BRCC3: variants seen among roughly 807,000 people sequenced by gnomAD.
BRCC3 encodes the protein lys-63-specific deubiquitinase BRCC36.
A neutral mutation model predicts 28.0 loss-of-function variants in BRCC3; 15 were observed. The ratio of observed to expected loss-of-function variants is 0.54; its 90% CI spans 0.36 to 0.82. The LOEUF is 0.82. BRCC3 is among the 40% of genes least tolerant of loss of function. BRCC3 has a pLI of 0.01. For synonymous variants in BRCC3, 66 were observed against 80.3 expected (o/e 0.82, Z 0.95); for missense variants, 109 against 225.9 (o/e 0.48, Z 3.32).
At chrX:155,073,494 G>A in intron 3 of BRCC3, 63 bp downstream of exon 3, 1 of 1,114,792 alleles carries the variant, frequency 9.0e-7, no homozygotes, top group Non-Finnish European at 1.2e-6. Context: ...CTGTAATCCA[G>A]TGATCTCAGC....
intron 7 of BRCC3, among the ~76,000 whole-genome samples, chrX:155,098,200 A>G (rs901535231): frequency 1.8e-5 from 2 of 112,143 alleles, no homozygotes; most frequent in East Asian, 5.5e-4. Flanking sequence ...ATTTGAGGTC[A>G]TAAATTTTCC....
chrX:155,089,365 A>ATGTGTGTG lies in BRCC3; in HGVS notation c.492+32_492+39dup. On this transcript the variant is annotated intron_variant, in intron 6 of 10. Coordinates refer to ENST00000330045, the MANE Select transcript of BRCC3 (RefSeq NM_001018055.3). ...AAGAACACAAAGGTATTGTGTGTGCATGTGTGTGTGTGTGTGTGTGTGTGT... is the reference window on the plus strand; with the variant it reads ...AAGAACACAAAGGTATTGTGTGTGCATGTGTGTGTGTGTGTGTGTGTGTGTGTGTGTGT... 1.1e-6 allele frequency: 1 copy of ATGTGTGTG among 927,416 alleles called. No individual in the cohort carries two copies. Among genetic ancestry groups the ATGTGTGTG allele is most frequent in the Admixed American group, 2.8e-5 (1 of 35,875 alleles). The allele number at this position is 927,416 out of a possible 1,213,427, so 76.4% of individuals were successfully genotyped here. A position where few individuals can be genotyped will look rare whatever the true frequency, so the allele number is the denominator to read the frequency against.
chrX:155,085,802 C>T (rs1387129245), intron 5 of BRCC3, among the ~76,000 whole-genome samples: 2 of 111,690 alleles, frequency 1.8e-5, no homozygotes, highest in Non-Finnish European at 3.8e-5. Flanking sequence ...AGCCTTGGGG[C>T]GGTTTACAGA....
chrX:155,074,311 A>G (rs2074011525), intron 3 of BRCC3, among the ~76,000 whole-genome samples: 1 of 112,148 alleles, frequency 8.9e-6, no homozygotes, highest in African/African-American at 3.2e-5. Flanking sequence ...CCTTCCTTTA[A>G]TAGCCAGACT....
At chrX:155,096,374 C>T (rs914116472) in intron 7 of BRCC3, among the ~76,000 whole-genome samples, 6 of 112,003 alleles carry the variant, frequency 5.4e-5, no homozygotes, top group African/African-American at 1.6e-4. Flanking sequence ...TACTAAATGC[C>T]GCTGAATTGT....
intron 5 of BRCC3, among the ~76,000 whole-genome samples, chrX:155,080,368 C>T (rs1253662920): frequency 9.1e-6 from 1 of 110,333 alleles, no homozygotes; most frequent in Non-Finnish European, 1.9e-5. Context: ...TGAATTCTCT[C>T]AGGGGAGAAG....
chrX:155,120,886 G>A (rs782134321), intron 10 of BRCC3, among the ~76,000 whole-genome samples: 1 of 112,100 alleles, frequency 8.9e-6, no homozygotes, highest in South Asian at 3.7e-4. Flanking sequence ...TCATGTAAAA[G>A]CACAAATGAT....
At chrX:155,110,172 T>G (rs782027186) in intron 7 of BRCC3, among the ~76,000 whole-genome samples, 8 of 111,837 alleles carry the variant, frequency 7.2e-5, no homozygotes, top group African/African-American at 2.6e-4. Context: ...AATTTTCTTT[T>G]CTTTAAACAC....
At chrX:155,092,332 C>T (rs1557295763) in intron 7 of BRCC3, among the ~76,000 whole-genome samples, 1 of 111,633 alleles carries the variant, frequency 9.0e-6, no homozygotes, top group African/African-American at 3.3e-5. Context: ...TATTTTTTGG[C>T]TCCCTGCTGT....
In BRCC3 at chrX:155,078,529, T is replaced by A; in HGVS notation, c.316-87T>A. 6.5e-6 allele frequency: 4 copies of A among 619,459 alleles called. No homozygotes were observed. In the South Asian group the frequency reaches 9.9e-5, roughly 15 times the overall value. The allele number at this position is 619,459 out of a possible 1,213,427, so 51.1% of individuals were successfully genotyped here. On this transcript the variant is annotated intron_variant, in intron 4 of 10. Coordinates refer to ENST00000330045, the MANE Select transcript of BRCC3 (RefSeq NM_001018055.3). The stretch of plus-strand genomic sequence containing the variant: ...TTGTTGCCATTAAATTGTAATAAGC[T>A]TATTTTAAACTTCAGGGTGCTTTCT...
At chrX:155,071,703 C>T (rs1042031853) in intron 1 of BRCC3, 53 bp downstream of exon 1, 2 of 1,166,876 alleles carry the variant, frequency 1.7e-6, no homozygotes. Context: ...CCCAGTGTGT[C>T]CCCGGGGTGG....
chrX:155,079,336 A>G (rs2074068742), intron 5 of BRCC3, among the ~76,000 whole-genome samples: 1 of 111,783 alleles, frequency 8.9e-6, no homozygotes, highest in Non-Finnish European at 1.9e-5. Flanking sequence ...TGAATTAAGT[A>G]AGTTGCAGAG....
chrX:155,116,327 ATCAT>A, intron 8 of BRCC3, 139 bp downstream of exon 8: 1 of 532,113 alleles, frequency 1.9e-6, no homozygotes, highest in Non-Finnish European at 2.9e-6. Context: ...GCAGTCTCCA[ATCAT>A]AATGTTTCTC....
chrX:155,078,854 G>T, intron 5 of BRCC3, 151 bp downstream of exon 5: 1 of 399,706 alleles, frequency 2.5e-6, no homozygotes. Context: ...TGTATTAAAA[G>T]TAATGATTTA....
rs782039668 is a variant in BRCC3 at position 155,121,495 on chromosome X, C to T, written c.*291C>T. On this transcript the variant is annotated 3_prime_UTR_variant, in exon 11 of 11. Transcript: ENST00000330045. Reference sequence around the variant, plus strand: ...GCCTTTCTGACAAATTATGCTAGAGCAATTAGACACCCATGGCGAGGAGAA... The same window carrying T: ...GCCTTTCTGACAAATTATGCTAGAGTAATTAGACACCCATGGCGAGGAGAA... The T allele has an allele frequency of 5.4e-5, 6 of 111,878 alleles. No homozygotes were observed. Among genetic ancestry groups the T allele is most frequent in the Non-Finnish European group, 7.5e-5 (4 of 53,160 alleles). The allele number at this position is 111,878 out of a possible 1,213,427, so 9.2% of individuals were successfully genotyped here.
intron 9 of BRCC3, among the ~76,000 whole-genome samples, chrX:155,117,951 A>G (rs2074367196): frequency 8.9e-6 from 1 of 111,753 alleles, no homozygotes; most frequent in Non-Finnish European, 1.9e-5. Flanking sequence ...ATTCCTACCT[A>G]ATACCCTACA....
intron 7 of BRCC3, among the ~76,000 whole-genome samples, chrX:155,106,069 A>G (rs1394933006): frequency 3.6e-5 from 4 of 111,823 alleles, no homozygotes; most frequent in Non-Finnish European, 7.5e-5. Context: ...AAACTTTTTG[A>G]TATTTCTATT....
Position 155,076,258 on chromosome X carries a change from G to A in BRCC3, c.196-912G>A, listed in dbSNP as rs185521088. 3.0e-3 allele frequency among the ~76,000 whole-genome samples: 330 copies of A among 111,103 alleles called. 1 individual carries two copies. Among genetic ancestry groups the A allele is most frequent in the Non-Finnish European group, 5.0e-3 (264 of 52,974 alleles). On this transcript the variant is annotated intron_variant, in intron 3 of 10. Coordinates refer to ENST00000330045, the MANE Select transcript of BRCC3 (RefSeq NM_001018055.3). ...AATACAAAAAGCCGGGCATGGTGGCGTGTGCCTGTAATCCCAGCTGCTGAG... is the reference window on the plus strand; with the variant it reads ...AATACAAAAAGCCGGGCATGGTGGCATGTGCCTGTAATCCCAGCTGCTGAG...
chrX:155,085,232 C>T (rs1019131542), intron 5 of BRCC3, among the ~76,000 whole-genome samples: 7 of 112,549 alleles, frequency 6.2e-5, no homozygotes, highest in Non-Finnish European at 1.3e-4. Context: ...ATGTCTATTT[C>T]AGGCAAGAAT....
Sources: gnomAD v4.1 joint callset for allele counts (sites outside exome capture counted in the v4.1 genomes callset) on GRCh38, gnomAD v4.1.1 for gene constraint, MANE v1.5 for transcripts, NCBI Gene and HGNC (gene_info 2026-07-23, HGNC 2026-07-21) for gene names.